MAGEA11: variants seen among roughly 807,000 people sequenced by gnomAD.
MAGEA11 encodes the protein MAGE family member A11.
In MAGEA11, 1 loss-of-function variant was observed where a neutral mutation model predicts 8.4. That is an observed-to-expected ratio of 0.12 (90% CI 0.04 to 0.57). The LOEUF (loss-of-function observed/expected upper bound fraction) is 0.57. MAGEA11 is among the 20% of genes least tolerant of loss of function. The probability of loss-of-function intolerance (pLI) is 0.91; values close to 1 mark genes in which losing one functional copy is unlikely to be tolerated. For missense variants in MAGEA11, 209 were observed against 317.3 expected (o/e 0.66, Z 2.59); for synonymous variants, 127 against 119.3 (o/e 1.06, Z -0.42).
At chrX:149,704,194 G>A (rs1385274703) in intron 1 of MAGEA11, among the ~76,000 whole-genome samples, 1 of 111,965 alleles carries the variant, frequency 8.9e-6, no homozygotes, top group Non-Finnish European at 1.9e-5. Flanking sequence ...CTATCCATAT[G>A]ACATGGAGAC....
chrX:149,700,039 TG>T (rs1272158784), intron 1 of MAGEA11, among the ~76,000 whole-genome samples: 4 of 112,050 alleles, frequency 3.6e-5, no homozygotes, highest in Non-Finnish European at 7.5e-5. Context: ...GAGAACAGCA[TG>T]GGGGGACCCT....
chrX:149,710,882 C>T (rs959334276), upstream of MAGEA11, among the ~76,000 whole-genome samples: 1 of 110,539 alleles, frequency 9.0e-6, no homozygotes, highest in Non-Finnish European at 1.9e-5. Context: ...GAAATCTAAA[C>T]AAAAAAAACA....
At chrX:149,691,714 G>A (rs901765822) in intron 1 of MAGEA11, among the ~76,000 whole-genome samples, 23 of 111,857 alleles carry the variant, frequency 2.1e-4, no homozygotes, top group South Asian at 7.4e-4. Flanking sequence ...TCTCTGTACC[G>A]CTTTCTCCTC....
chrX:149,698,505 G>A (rs1459637954), intron 1 of MAGEA11, among the ~76,000 whole-genome samples: 1 of 111,406 alleles, frequency 9.0e-6, no homozygotes, highest in Non-Finnish European at 1.9e-5. Context: ...GTTGGTAAAG[G>A]CAGTCATGTC....
Position 149,693,581 on chromosome X carries a change from C to T in MAGEA11, c.9+4597C>T, listed in dbSNP as rs782536748. 1.2e-3 allele frequency among the ~76,000 whole-genome samples: 139 copies of T among 112,113 alleles called. 3 individuals are homozygous for T. The highest frequency in any genetic ancestry group is 0.01 in the South Asian group (27 of 2,677). On this transcript the variant is annotated intron_variant, in intron 1 of 3. Transcript: ENST00000333104. ...GTTTGCTTTCTTTTTTAAAAAAATA[C>T]ATGTACCATAAATTTACCACTTCAA...
chrX:149,711,980 G>T (rs1242935310), upstream of MAGEA11: 2 of 623,357 alleles, frequency 3.2e-6, no homozygotes, highest in African/African-American at 6.9e-5. Context: ...GCCTCGCCCC[G>T]CCCCCACACG....
intron 1 of MAGEA11, among the ~76,000 whole-genome samples, chrX:149,704,429 C>A (rs1481456124): frequency 8.9e-6 from 1 of 112,288 alleles, no homozygotes; most frequent in African/African-American, 3.2e-5. Context: ...TTTCCTCCCC[C>A]TTTTTTTCAC....
At chrX:149,713,511 T>C (rs1304325524) in intron 2 of MAGEA11, 1 of 299,867 alleles carries the variant, frequency 3.3e-6, no homozygotes, top group Non-Finnish European at 5.7e-6. Flanking sequence ...CACTTCCTAG[T>C]TGGGGTTCTC....
intron 1 of MAGEA11, among the ~76,000 whole-genome samples, chrX:149,701,387 T>A (rs1258828870): frequency 2.3e-3 from 251 of 110,866 alleles, no homozygotes; most frequent in African/African-American, 8.0e-3. Context: ...TCTGTTCATA[T>A]CCTTCACCCA....
intron 1 of MAGEA11, among the ~76,000 whole-genome samples, chrX:149,691,903 A>G (rs1171440828): frequency 8.9e-6 from 1 of 112,650 alleles, no homozygotes; most frequent in East Asian, 2.8e-4. Context: ...ATTTGTTTCA[A>G]TATGTACAGT....
upstream of MAGEA11, among the ~76,000 whole-genome samples, chrX:149,710,342 A>T (rs1366351526): frequency 3.5e-5 from 4 of 112,713 alleles, no homozygotes; most frequent in Non-Finnish European, 7.5e-5. Flanking sequence ...AGGGAACAGA[A>T]TATTGCAAAG....
intron 1 of MAGEA11, among the ~76,000 whole-genome samples, chrX:149,696,977 C>T (rs145511208): frequency 8.9e-6 from 1 of 111,921 alleles, no homozygotes; most frequent in African/African-American, 3.2e-5. Context: ...CTTCACTGCT[C>T]TGTCCATATT....
intron 1 of MAGEA11, among the ~76,000 whole-genome samples, chrX:149,691,388 T>C (rs996025870): frequency 9.8e-5 from 11 of 111,921 alleles, no homozygotes; most frequent in Non-Finnish European, 2.1e-4. Context: ...TTTTACAAAA[T>C]TGGTCATTGT....
upstream of MAGEA11, among the ~76,000 whole-genome samples, chrX:149,709,089 C>T (rs782275917): frequency 9.2e-6 from 1 of 108,820 alleles, no homozygotes; most frequent in African/African-American, 3.3e-5. Flanking sequence ...GTTCGAGACC[C>T]GTCTGGACAA....
intron 1 of MAGEA11, among the ~76,000 whole-genome samples, chrX:149,692,254 A>T (rs781784061): frequency 9.0e-6 from 1 of 111,443 alleles, no homozygotes; most frequent in African/African-American, 3.3e-5. Flanking sequence ...TAAAAATACA[A>T]AAATCACCTG....
chrX:149,710,035 C>G (rs1283409391), upstream of MAGEA11, among the ~76,000 whole-genome samples: 1 of 111,457 alleles, frequency 9.0e-6, no homozygotes, highest in African/African-American at 3.3e-5. Context: ...ATGCAACAGT[C>G]TATCTAGAAA....
intron 1 of MAGEA11, among the ~76,000 whole-genome samples, chrX:149,705,061 C>A (rs891230840): frequency 1.8e-5 from 2 of 112,538 alleles, no homozygotes; most frequent in African/African-American, 6.5e-5. Context: ...CACTAGCCCC[C>A]GCTATCCCTA....
At chrX:149,705,696 G>C (rs1249153656) in intron 1 of MAGEA11, among the ~76,000 whole-genome samples, 1 of 112,012 alleles carries the variant, frequency 8.9e-6, no homozygotes, top group Admixed American at 9.4e-5. Flanking sequence ...TCAGTGGGCA[G>C]GCTCAGGACA....
At chrX:149,701,786 G>T (rs1400752785) in intron 1 of MAGEA11, among the ~76,000 whole-genome samples, 5 of 111,143 alleles carry the variant, frequency 4.5e-5, no homozygotes, top group Admixed American at 3.8e-4. Flanking sequence ...TCTACATATG[G>T]CTAGCCAGTT....
Sources: allele counts gnomAD v4.1 joint callset (sites outside exome capture counted in the v4.1 genomes callset), GRCh38; gene constraint gnomAD v4.1.1; transcripts MANE v1.5; gene names NCBI Gene and HGNC (gene_info 2026-07-23, HGNC 2026-07-21).